CNGA2: variants seen among roughly 807,000 people sequenced by gnomAD.
CNGA2 encodes cyclic nucleotide-gated channel alpha-2.
CNGA2 carries 22 observed loss-of-function variants against 35.9 expected under a neutral mutation model. The observed-to-expected ratio is 0.61, with a 90% CI of 0.44 to 0.88. The LOEUF (loss-of-function observed/expected upper bound fraction) is 0.88. Among genes scored for constraint, CNGA2 ranks in the 40% least tolerant of loss-of-function variants. The probability of loss-of-function intolerance (pLI) is 0.00; values close to 1 mark genes in which losing one functional copy is unlikely to be tolerated. For missense variants in CNGA2, 555 were observed against 530.8 expected (o/e 1.05, Z -0.45); for synonymous variants, 217 against 209.2 (o/e 1.04, Z -0.32).
Position 151,744,570 on chromosome X carries a change from T to C in CNGA2, c.*72T>C, listed in dbSNP as rs2015357291. On this transcript the variant is annotated 3_prime_UTR_variant, in exon 7 of 7. Transcript: ENST00000329903. ...CCAGAAGCTAGAGGAGCTATTTAGATCTCCGGATTTACATGCATTACCCTC... is the reference window on the plus strand; with the variant it reads ...CCAGAAGCTAGAGGAGCTATTTAGACCTCCGGATTTACATGCATTACCCTC... 1.1e-6 allele frequency: 1 copy of C among 902,285 alleles called. No homozygotes were observed. The highest frequency in any genetic ancestry group is 2.0e-5 in the African/African-American group (1 of 49,391). 74.4% of individuals were successfully genotyped at this position (902,285 alleles called of 1,213,427 possible).
intron 1 of CNGA2, among the ~76,000 whole-genome samples, chrX:151,735,259 G>A (rs780538451): frequency 8.9e-6 from 1 of 111,882 alleles, no homozygotes; most frequent in African/African-American, 3.2e-5. Context: ...GAATCCCACT[G>A]CTCATCTAAG....
In CNGA2 at chrX:151,744,810, G is replaced by T; in HGVS notation, c.*312G>T. On this transcript the variant is annotated 3_prime_UTR_variant, in exon 7 of 7. Coordinates refer to ENST00000329903, the MANE Select transcript of CNGA2 (RefSeq NM_005140.3). ...TTTTGCTCATAGCGACCCCTCCCTTGGTTCTGGCCCCCGCTTTTTCTAACA... is the reference window on the plus strand; with the variant it reads ...TTTTGCTCATAGCGACCCCTCCCTTTGTTCTGGCCCCCGCTTTTTCTAACA... The T allele has an allele frequency of 7.2e-6, 2 of 277,403 alleles. No individual in the cohort carries two copies. The highest frequency in any genetic ancestry group is 3.6e-4 in the South Asian group (2 of 5,612). 22.9% of individuals were successfully genotyped at this position (277,403 alleles called of 1,213,427 possible). A position where few individuals can be genotyped will look rare whatever the true frequency, so the allele number is the denominator to read the frequency against.
Position 151,738,881 on chromosome X carries a change from T to C in CNGA2, c.203+2T>C. Reference sequence around the variant, plus strand: ...GCAGGGAAGGAGTGGCTTCCGCAGGTGGGTCCCACCACTACCCTGCTGCTT... The same window carrying C: ...GCAGGGAAGGAGTGGCTTCCGCAGGCGGGTCCCACCACTACCCTGCTGCTT... On this transcript the variant is annotated splice_donor_variant, in intron 3 of 6. Transcript: ENST00000329903. LOFTEE classifies it high-confidence loss of function. 1 of 1,160,289 alleles carries C rather than the reference T, an allele frequency of 8.6e-7. No homozygotes were observed. The highest frequency in any genetic ancestry group is 3.2e-5 in the East Asian group (1 of 31,152).
At chrX:151,735,196 CT>C (rs1038002041) in intron 1 of CNGA2, among the ~76,000 whole-genome samples, 14 of 111,881 alleles carry the variant, frequency 1.3e-4, no homozygotes, top group African/African-American at 4.5e-4. Flanking sequence ...TGTGTTTGGA[CT>C]TTTTACCAAA....
At position 151,743,921 on chromosome X, in the gene CNGA2, A is replaced by G. The variant is rs1461482273; in HGVS notation, c.1418A>G (p.Gln473Arg). ...GAGCTGGTACTGAAACTCCGTCCTC[A>G]GGTCTTCAGTCCTGGGGATTACATT... Reference protein sequence around the residue: ...LVELVLKLRPQVFSPGDYICR... With the variant: ...LVELVLKLRPRVFSPGDYICR... The change falls in exon 7 of 7, where the codon CAG becomes CGG. Residue 473 changes from glutamine (Q) to arginine (R), a missense_variant. Gln to Arg is a conservative substitution (Grantham distance 43). Transcript: ENST00000329903. The G allele has an allele frequency of 8.3e-7, 1 of 1,211,165 alleles. No individual in the cohort carries two copies. Among genetic ancestry groups the G allele is most frequent in the Non-Finnish European group, 1.1e-6 (1 of 895,305 alleles).
rs1569428721 is a variant in CNGA2, at chrX:151,744,086, A to T, written c.1583A>T (p.Lys528Met). 1 of 1,208,906 alleles carries T rather than the reference A, an allele frequency of 8.3e-7. No homozygotes were observed. The highest frequency in any genetic ancestry group is 1.8e-5 in the African/African-American group (1 of 56,814). Residue 528 changes from lysine (K) to methionine (M), a missense_variant, in exon 7 of 7, where the codon AAG becomes ATG. Lys to Met is a moderately conservative substitution (Grantham distance 95, BLOSUM62 -1). Coordinates refer to ENST00000329903, the MANE Select transcript of CNGA2 (RefSeq NM_005140.3). ...GGCGAGATCAGTATCCTTAACATTA[A>T]GGGCAGTAAAATGGGCAATCGACGC... Reference protein sequence around the residue: ...CFGEISILNIKGSKMGNRRTA... With the variant: ...CFGEISILNIMGSKMGNRRTA...
In CNGA2 at chrX:151,744,789, G is replaced by T. The variant is rs41302160; in HGVS notation, c.*291G>T. 0.027 allele frequency: 7,910 copies of T among 296,332 alleles called. 118 individuals carry two copies. Among genetic ancestry groups the T allele is most frequent in the Admixed American group, 0.067 (1,217 of 18,123 alleles). 24.4% of individuals were successfully genotyped at this position (296,332 alleles called of 1,213,427 possible). On this transcript the variant is annotated 3_prime_UTR_variant, in exon 7 of 7. Transcript: ENST00000329903. ...TGTCTGCCAGGAGTCTGGCTCTTTTGCTCATAGCGACCCCTCCCTTGGTTC... is the reference window on the plus strand; with the variant it reads ...TGTCTGCCAGGAGTCTGGCTCTTTTTCTCATAGCGACCCCTCCCTTGGTTC...
At position 151,744,045 on chromosome X, in the gene CNGA2, G is replaced by T. The variant is rs185584985; in HGVS notation, c.1542G>T (p.Ser514=). The change falls in exon 7 of 7, where the codon TCG becomes TCT. Residue 514 remains serine, a synonymous_variant. Coordinates refer to ENST00000329903, the MANE Select transcript of CNGA2 (RefSeq NM_005140.3). The part of the protein sequence containing the change: ...DDGVTQYALL[S]AGSCFGEISI... ...GTGTGACTCAGTATGCTCTGCTGTCGGCTGGAAGCTGCTTTGGCGAGATCA... is the reference window on the plus strand; with the variant it reads ...GTGTGACTCAGTATGCTCTGCTGTCTGCTGGAAGCTGCTTTGGCGAGATCA... 14 of 1,209,091 alleles carry T rather than the reference G, an allele frequency of 1.2e-5. No homozygotes were observed. In the East Asian group the frequency reaches 3.3e-4, roughly 28 times the overall value.
rs940512262 is a variant in CNGA2 at position 151,739,686 on chromosome X, G to A, written c.328G>A (p.Glu110Lys). 1 of 1,211,874 alleles carries A rather than the reference G, an allele frequency of 8.3e-7. No homozygotes were observed. Among genetic ancestry groups the A allele is most frequent in the African/African-American group, 1.7e-5 (1 of 57,807 alleles). Residue 110 changes from glutamate to lysine, a missense_variant, in exon 4 of 7, where the codon GAG becomes AAG. Coordinates refer to ENST00000329903, the MANE Select transcript of CNGA2 (RefSeq NM_005140.3). ...GPELQTVTTQ[E>K]GDGKGDKDGE... is the part of the protein sequence containing the mutation. ...TGAACTCCAGACTGTGACCACACAG[G>A]AGGGGGATGGCAAAGGCGACAAGGA...
intron 2 of CNGA2, 92 bp from the exon 3 acceptor site, chrX:151,738,695 T>G: frequency 1.8e-6 from 2 of 1,097,019 alleles, no homozygotes; most frequent in South Asian, 4.1e-5. Flanking sequence ...GGACAGCCTC[T>G]AAAAAGAACA....
intron 5 of CNGA2, 73 bp from the exon 6 acceptor site, chrX:151,742,463 A>G: frequency 1.3e-6 from 1 of 769,989 alleles, no homozygotes; most frequent in East Asian, 3.2e-5. Flanking sequence ...GCACACAGTG[A>G]ACACTCAGTT....
chrX:151,743,019 T>TATATATGTGTATATATATATATATATAC (rs1304966838), intron 6 of CNGA2, 74 bp from the exon 7 acceptor site: 1 of 191,390 alleles, frequency 5.2e-6, no homozygotes, highest in African/African-American at 8.8e-5. Flanking sequence ...CATATATATG[T>TATATATGTGTATATATATATATATATAC]ATATATATGC....
At chrX:151,735,862 C>G (rs1023635420) in intron 1 of CNGA2, among the ~76,000 whole-genome samples, 1 of 110,875 alleles carries the variant, frequency 9.0e-6, no homozygotes, top group Non-Finnish European at 1.9e-5. Flanking sequence ...TCCTACTCCT[C>G]GCTTGAAACT....
chrX:151,742,454 C>T, intron 5 of CNGA2, 82 bp from the exon 6 acceptor site: 2 of 703,568 alleles, frequency 2.8e-6, no homozygotes, highest in Non-Finnish European at 2.2e-6. Context: ...CCAAGCCCTG[C>T]ACACAGTGAA....
chrX:151,742,302 G>A (rs2015312194), intron 5 of CNGA2, among the ~76,000 whole-genome samples: 1 of 111,816 alleles, frequency 8.9e-6, no homozygotes. Flanking sequence ...AGTTCAGAGG[G>A]TGAGACAGAA....
intron 1 of CNGA2, 146 bp from the exon 2 acceptor site, chrX:151,738,312 G>A (rs760265013): frequency 4.9e-5 from 22 of 448,228 alleles, no homozygotes; most frequent in African/African-American, 4.9e-4. Context: ...GAATCCCACT[G>A]CCCTGACTGC....
chrX:151,735,344 C>T (rs1039567454), intron 1 of CNGA2, among the ~76,000 whole-genome samples: 4 of 112,054 alleles, frequency 3.6e-5, no homozygotes, highest in East Asian at 2.8e-4. Context: ...TTCTTGTCCT[C>T]GCACTTGTTT....
At position 151,743,194 on chromosome X, in the gene CNGA2, A is replaced by G; in HGVS notation, c.691A>G (p.Thr231Ala). The change falls in exon 7 of 7, where the codon ACT (threonine) becomes GCT (alanine). Residue 231 changes from threonine to alanine, a missense_variant. By Grantham distance (58) the Thr-to-Ala change is moderately conservative (BLOSUM62 0). Transcript: ENST00000329903. ...GCTGGATGTGGCTTCCATCATCCCC[A>G]CTGACCTGATCTATTTTGCTGTGGA... is the stretch of plus-strand genomic sequence containing the variant. ...FKLDVASIIP[T>A]DLIYFAVDIH... 8.3e-7 allele frequency: 1 copy of G among 1,204,577 alleles called. No homozygotes were observed. The highest frequency in any genetic ancestry group is 2.2e-5 in the Admixed American group (1 of 45,092).
chrX:151,738,473 G>T lies in CNGA2; in HGVS notation c.-11G>T. 8.4e-7 allele frequency: 1 copy of T among 1,196,280 alleles called. No individual in the cohort carries two copies. The highest frequency in any genetic ancestry group is 1.1e-6 in the Non-Finnish European group (1 of 882,254). On this transcript the variant is annotated 5_prime_UTR_variant, in exon 2 of 7. Coordinates refer to ENST00000329903, the MANE Select transcript of CNGA2 (RefSeq NM_005140.3). ...TTCCTGGCAGATAAGTGCTCTGGTT[G>T]TACATGGAGGATGACCGAAAAAACC...
Sources: allele counts gnomAD v4.1 joint callset (sites outside exome capture counted in the v4.1 genomes callset), GRCh38; gene constraint gnomAD v4.1.1; transcripts MANE v1.5; gene names NCBI Gene and HGNC (gene_info 2026-07-23, HGNC 2026-07-21).